The following RHPN2 variants were observed in gnomAD, a reference collection of about 807,000 sequenced individuals.
RHPN2 encodes the protein rhophilin Rho GTPase binding protein 2, also known as rhophilin-2.
A neutral mutation model predicts 79.0 loss-of-function variants in RHPN2; 40 were observed. The ratio of observed to expected loss-of-function variants is 0.51; its 90% confidence interval spans 0.39 to 0.66. The LOEUF (loss-of-function observed/expected upper bound fraction) is 0.66, where lower values mean the gene tolerates loss of function less well. Among genes scored for constraint, RHPN2 ranks in the 30% least tolerant of loss-of-function variants. The probability of loss-of-function intolerance (pLI) is 0.00; values close to 1 mark genes in which losing one functional copy is unlikely to be tolerated. For synonymous variants in RHPN2, 285 were observed against 363.5 expected, an observed-to-expected ratio of 0.78 and a Z score of 2.46; for missense variants, 686 against 883.5, an observed-to-expected ratio of 0.78 and a Z score of 2.83.
intron 1 of RHPN2, chr19:33,051,813 T>C (rs1434393128): frequency 6.3e-6 from 1 of 158,720 alleles, no homozygotes; most frequent in Non-Finnish European, 1.4e-5. Context: ...TTGAGGTCAG[T>C]AGTTTGAGAC....
At chr19:33,031,071 G>A (rs1344097942) in intron 2 of RHPN2, among the ~76,000 whole-genome samples, 1 of 152,172 alleles carries the variant, frequency 6.6e-6, no homozygotes, top group Admixed American at 6.6e-5. Flanking sequence ...TTCAGGAACA[G>A]CCAATTGGAA....
chr19:32,982,980 C>T (rs1003184227), intron 14 of RHPN2, among the ~76,000 whole-genome samples: 27 of 151,750 alleles, frequency 1.8e-4, no homozygotes, highest in African/African-American at 6.1e-4. Flanking sequence ...GGCATCCGTC[C>T]CCCAAGACCA....
chr19:32,994,128 G>A, intron 11 of RHPN2, 75 bp from the exon 12 acceptor site: 2 of 1,092,876 alleles, frequency 1.8e-6, no homozygotes, highest in Non-Finnish European at 2.8e-6. Context: ...CAGTGTTGTG[G>A]CTCACGCCTG....
intron 13 of RHPN2, chr19:32,991,530 G>A: frequency 2.5e-6 from 1 of 405,726 alleles, no homozygotes; most frequent in South Asian, 2.3e-5. Flanking sequence ...TACTCAGGAA[G>A]CTGAGACAGG....
rs534636907 is a variant in RHPN2, at chr19:33,054,826, C to T, written c.69+9958G>A. On this transcript the variant is annotated intron_variant, in intron 1 of 14. Transcript: ENST00000254260. ...GTAGCATCAGGTGGTGTCGTGGCAA[C>T]CATCCAAATGGCCCCAGGAAACAAG... Among the ~76,000 whole-genome samples the T allele has an allele frequency of 3.9e-5, 6 of 152,328 alleles. No homozygotes were observed. In the South Asian group the frequency reaches 1.2e-3, roughly 32 times the overall value.
At chr19:32,992,383 G>A (rs1298181724) in intron 12 of RHPN2, among the ~76,000 whole-genome samples, 3 of 152,006 alleles carry the variant, frequency 2.0e-5, no homozygotes. Flanking sequence ...CAGAGATGGG[G>A]TTTCACCATG....
chr19:33,012,012 G>A (rs1971839077), intron 5 of RHPN2, among the ~76,000 whole-genome samples: 1 of 151,720 alleles, frequency 6.6e-6, no homozygotes, highest in African/African-American at 2.4e-5. Context: ...CCTGAGGCAG[G>A]GCTCTCCCCT....
intron 1 of RHPN2, among the ~76,000 whole-genome samples, chr19:33,053,787 A>C (rs1972209166): frequency 6.7e-6 from 1 of 150,162 alleles, no homozygotes; most frequent in South Asian, 2.1e-4. Flanking sequence ...TTGGTCTTGA[A>C]CTCCTAAGAC....
intron 4 of RHPN2, 109 bp from the exon 5 acceptor site, chr19:33,012,833 A>G (rs1971846188): frequency 1.4e-6 from 1 of 696,466 alleles, no homozygotes; most frequent in Non-Finnish European, 2.6e-6. Flanking sequence ...AGAATAAAGA[A>G]AAACTTATAG....
At chr19:33,050,807 T>C (rs1310772917) in intron 1 of RHPN2, among the ~76,000 whole-genome samples, 1 of 152,018 alleles carries the variant, frequency 6.6e-6, no homozygotes, top group Non-Finnish European at 1.5e-5. Context: ...GCCTCCTGAG[T>C]AGCTAGAATT....
chr19:32,984,224 GC>G (rs1303698064), intron 14 of RHPN2, among the ~76,000 whole-genome samples: 1 of 152,158 alleles, frequency 6.6e-6, no homozygotes, highest in East Asian at 1.9e-4. Flanking sequence ...CATCAGTTCA[GC>G]CAGAGTGCTA....
rs748008554 is a variant in RHPN2, at chr19:33,002,273, G to A, written c.1079C>T (p.Thr360Ile). 6.2e-7 allele frequency: 1 copy of A among 1,613,396 alleles called. No homozygotes were observed. Among genetic ancestry groups the A allele is most frequent in the Non-Finnish European group, 8.5e-7 (1 of 1,179,868 alleles). The change falls in exon 9 of 15, where the codon ACT (threonine) becomes ATT (isoleucine). Residue 360 changes from threonine (T) to isoleucine (I), a missense_variant. Physicochemically the swap from Thr to Ile is moderately conservative, Grantham distance 89 (BLOSUM62 -1). Coordinates refer to ENST00000254260, the MANE Select transcript of RHPN2 (RefSeq NM_033103.5). The part of the protein sequence containing the change: ...HHYAALAHYF[T>I]AILLIDHQVK... Reference sequence around the variant, plus strand: ...CTGGTGGTCGATGAGGAGGATGGCAGTGAAGTAGTGGGCCAGGGCCGCGTA... The same window carrying A: ...CTGGTGGTCGATGAGGAGGATGGCAATGAAGTAGTGGGCCAGGGCCGCGTA...
intron 7 of RHPN2, 40 bp downstream of exon 7, chr19:33,007,974 G>C: frequency 6.2e-7 from 1 of 1,609,606 alleles, no homozygotes; most frequent in Non-Finnish European, 8.5e-7. Flanking sequence ...CCACCGGGTG[G>C]GGCCAAGGCT....
chr19:33,008,276 A>G (rs1971810005), intron 6 of RHPN2, 96 bp from the exon 7 acceptor site: 5 of 1,210,046 alleles, frequency 4.1e-6, no homozygotes, highest in Admixed American at 2.1e-5. Context: ...TTAAGAGTCA[A>G]TATCTCACTC....
rs1284920475 is a variant in RHPN2 at position 32,979,224 on chromosome 19, T to C, written c.*772A>G. On this transcript the variant is annotated 3_prime_UTR_variant, in exon 15 of 15. Coordinates refer to ENST00000254260, the MANE Select transcript of RHPN2 (RefSeq NM_033103.5). The stretch of plus-strand genomic sequence containing the variant: ...TTTACTTTATAAAATGTAAAACTAC[T>C]TTTTTACCCAAGACTTAAAATATAG... 1 of 152,254 alleles carries C rather than the reference T, an allele frequency of 6.6e-6. No individual in the cohort carries two copies. Among genetic ancestry groups the C allele is most frequent in the Admixed American group, 6.6e-5 (1 of 15,256 alleles). 9.4% of individuals were successfully genotyped at this position (152,254 alleles called of 1,614,324 possible).
At chr19:33,026,941 TAA>T (rs1334123432) in intron 2 of RHPN2, 1 of 357,518 alleles carries the variant, frequency 2.8e-6, no homozygotes, top group Non-Finnish European at 5.5e-6. Context: ...TAAAATACCA[TAA>T]GATACCCACT....
rs12610600 is a variant in RHPN2, at chr19:32,996,165, G to C, written c.1281C>G (p.Ala427=). Reference sequence around the variant, plus strand: ...TGCTCCGCAGCTTCTTGCAGAGGCTGGCCTCCCGCACCGACTCCTCGTGAT... The same window carrying C: ...TGCTCCGCAGCTTCTTGCAGAGGCTCGCCTCCCGCACCGACTCCTCGTGAT... ...MAHHEESVRE[A]SLCKKLRSIE... The change falls in exon 11 of 15, where the codon GCC becomes GCG. Residue 427 remains alanine (A), a synonymous_variant. Coordinates refer to ENST00000254260, the MANE Select transcript of RHPN2 (RefSeq NM_033103.5). The C allele has an allele frequency of 0.47, 759,991 of 1,613,870 alleles. 183,873 individuals carry two copies. Among genetic ancestry groups the C allele is most frequent in the African/African-American group, 0.75 (55,904 of 74,982 alleles).
At chr19:33,011,955 G>T in intron 5 of RHPN2, 152 bp from the exon 6 acceptor site, 1 of 991,844 alleles carries the variant, frequency 1.0e-6, no homozygotes, top group Non-Finnish European at 1.5e-6. Flanking sequence ...TGGGAGGGGT[G>T]GAAAGAACCT....
intron 7 of RHPN2, among the ~76,000 whole-genome samples, chr19:33,003,302 G>A (rs1413236970): frequency 1.4e-5 from 2 of 139,392 alleles, no homozygotes; most frequent in South Asian, 2.4e-4. Flanking sequence ...AGGTTGCAGT[G>A]AGCTGAGATC....
Sources: gnomAD v4.1 joint callset for allele counts (sites outside exome capture counted in the v4.1 genomes callset) on GRCh38, gnomAD v4.1.1 for gene constraint, MANE v1.5 for transcripts, NCBI Gene and HGNC (gene_info 2026-07-23, HGNC 2026-07-21) for gene names.